TSC22D1: variants seen among roughly 807,000 people sequenced by gnomAD.
The protein encoded by TSC22D1 is TSC22 domain family protein 1.
A neutral mutation model predicts 74.2 loss-of-function variants in TSC22D1; 9 were observed. The ratio of observed to expected loss-of-function variants is 0.12; its 90% CI spans 0.07 to 0.21. The LOEUF is 0.21. Ranked by LOEUF, TSC22D1 falls within the 10% of genes least tolerant of loss-of-function variation. The pLI is 1.00. For missense variants in TSC22D1, 1,427 were observed against 1,304.7 expected (o/e 1.09, Z -1.44); for synonymous variants, 586 against 492.5 (o/e 1.19, Z -2.51).
At chr13:44,491,211 G>A (rs73465723) in intron 1 of TSC22D1, among the ~76,000 whole-genome samples, 3,074 of 151,150 alleles carry the variant, frequency 0.02, 125 homozygotes, top group African/African-American at 0.071. Context: ...ATGTGAAAAG[G>A]CATACCACAA....
chr13:44,545,718 T>C (rs1881781544), intron 1 of TSC22D1, among the ~76,000 whole-genome samples: 3 of 152,138 alleles, frequency 2.0e-5, no homozygotes, highest in East Asian at 3.9e-4. Flanking sequence ...GGCTCACACC[T>C]GTAATCTCAG....
Position 44,575,285 on chromosome 13 carries a change from TAG to T in TSC22D1, c.788_789del (p.Ser263TyrfsTer6), listed in dbSNP as rs1192265743. On this transcript the variant is annotated frameshift_variant, in exon 1 of 3. Coordinates refer to ENST00000458659, the MANE Select transcript of TSC22D1 (RefSeq NM_183422.4). LOFTEE classifies it high-confidence loss of function. ...PPSSPVSRKL[S>X]TTGSSDSITP... is the part of the protein sequence containing the mutation. Reference sequence around the variant, plus strand: ...GTGATACTGTCAGAGCTTCCAGTTGTAGAGAGTTTTCTAGATACTGGGCTTGA... The same window carrying T: ...GTGATACTGTCAGAGCTTCCAGTTGTAGAGTTTTCTAGATACTGGGCTTGA... 1 of 1,614,006 alleles carries T rather than the reference TAG, an allele frequency of 6.2e-7. No homozygotes were observed. Among genetic ancestry groups the T allele is most frequent in the African/African-American group, 1.3e-5 (1 of 74,906 alleles).
At chr13:44,514,310 A>G (rs1250750612) in intron 1 of TSC22D1, among the ~76,000 whole-genome samples, 2 of 152,158 alleles carry the variant, frequency 1.3e-5, no homozygotes, top group Non-Finnish European at 1.5e-5. Flanking sequence ...CCTTGAAGTA[A>G]ACAAGATCTT....
At chr13:44,501,822 C>T (rs1029798213) in intron 1 of TSC22D1, among the ~76,000 whole-genome samples, 2 of 152,178 alleles carry the variant, frequency 1.3e-5, no homozygotes, top group African/African-American at 2.4e-5. Context: ...AACACATGTG[C>T]TGTGGGCTGA....
At position 44,574,208 on chromosome 13, in the gene TSC22D1, G is replaced by C; in HGVS notation, c.1867C>G (p.Pro623Ala). 1 of 1,614,278 alleles carries C rather than the reference G, an allele frequency of 6.2e-7. No individual in the cohort carries two copies. The change falls in exon 1 of 3, where the codon CCA becomes GCA. Residue 623 changes from proline (P) to alanine (A), a missense_variant. By Grantham distance (27) the Pro-to-Ala change is conservative (BLOSUM62 -1). Around this residue, in one of 3 missense-constraint regions of TSC22D1, gnomAD observed 1,343 missense variants for 1,191.5 expected, o/e 1.13. Coordinates refer to ENST00000458659, the MANE Select transcript of TSC22D1 (RefSeq NM_183422.4). Reference sequence around the variant, plus strand: ...TGTCCATACTGTAACTGTTGGGGTGGTGGTGCCCCTGGAAGGGGAGTTTGC... The same window carrying C: ...TGTCCATACTGTAACTGTTGGGGTGCTGGTGCCCCTGGAAGGGGAGTTTGC... Reference protein sequence around the residue: ...PVQTPLPGAPPPQQLQYGQQQ... With the variant: ...PVQTPLPGAPAPQQLQYGQQQ...
intron 1 of TSC22D1, among the ~76,000 whole-genome samples, chr13:44,450,793 G>A (rs1247916685): frequency 6.6e-6 from 1 of 152,190 alleles, no homozygotes; most frequent in African/African-American, 2.4e-5. Flanking sequence ...TTGGGCATAA[G>A]AAAATACTGG....
At chr13:44,453,327 G>T (rs1425149536) in intron 1 of TSC22D1, among the ~76,000 whole-genome samples, 1 of 152,084 alleles carries the variant, frequency 6.6e-6, no homozygotes, top group Non-Finnish European at 1.5e-5. Flanking sequence ...GACTATTAGT[G>T]CACTGAAGTC....
At chr13:44,456,218 C>T (rs947575499) in intron 1 of TSC22D1, among the ~76,000 whole-genome samples, 1 of 152,188 alleles carries the variant, frequency 6.6e-6, no homozygotes, top group Admixed American at 6.5e-5. Flanking sequence ...AACAGTAAAA[C>T]AACAAAGCTT....
chr13:44,534,310 T>C (rs915839108), intron 1 of TSC22D1, among the ~76,000 whole-genome samples: 2 of 141,678 alleles, frequency 1.4e-5, no homozygotes, highest in African/African-American at 5.4e-5. Context: ...CTTGGTGAAC[T>C]ATAATGGTGC....
chr13:44,487,417 T>C (rs575343291), intron 1 of TSC22D1, among the ~76,000 whole-genome samples: 1 of 144,866 alleles, frequency 6.9e-6, no homozygotes, highest in South Asian at 2.1e-4. Flanking sequence ...GAGAATCACT[T>C]GAACCTGGGA....
intron 1 of TSC22D1, among the ~76,000 whole-genome samples, chr13:44,567,250 G>A (rs751261036): frequency 2.6e-5 from 4 of 152,128 alleles, no homozygotes; most frequent in Non-Finnish European, 4.4e-5. Flanking sequence ...CTTCTTATAG[G>A]GATCTAACCA....
chr13:44,465,956 A>G (rs945716211), intron 1 of TSC22D1, among the ~76,000 whole-genome samples: 1 of 148,000 alleles, frequency 6.8e-6, no homozygotes, highest in Non-Finnish European at 1.5e-5. Flanking sequence ...CTGGGCAACA[A>G]GAGCGAAACT....
chr13:44,494,417 G>C (rs1170902538), intron 1 of TSC22D1, among the ~76,000 whole-genome samples: 2 of 111,592 alleles, frequency 1.8e-5, no homozygotes, highest in Non-Finnish European at 3.5e-5. Context: ...GATTAGCCAA[G>C]CATGGTAGCA....
At chr13:44,535,813 T>C (rs1306675904) in intron 1 of TSC22D1, among the ~76,000 whole-genome samples, 1 of 151,976 alleles carries the variant, frequency 6.6e-6, no homozygotes, top group Non-Finnish European at 1.5e-5. Flanking sequence ...TTACTGATGA[T>C]GTAGAGGAGA....
intron 1 of TSC22D1, among the ~76,000 whole-genome samples, chr13:44,547,850 T>C (rs1288727847): frequency 6.6e-6 from 1 of 152,098 alleles, no homozygotes; most frequent in Non-Finnish European, 1.5e-5. Flanking sequence ...TAGTTACGGG[T>C]ACAATCACGG....
chr13:44,498,103 A>C (rs936419311), intron 1 of TSC22D1, among the ~76,000 whole-genome samples: 4 of 151,906 alleles, frequency 2.6e-5, no homozygotes, highest in East Asian at 1.9e-4. Context: ...AAAAAACCAA[A>C]AAAAAAAATG....
At chr13:44,499,339 C>T (rs1372184413) in intron 1 of TSC22D1, among the ~76,000 whole-genome samples, 1 of 152,120 alleles carries the variant, frequency 6.6e-6, no homozygotes, top group East Asian at 1.9e-4. Context: ...CCCAGGTGAG[C>T]CCAAGAAAAG....
At chr13:44,532,676 G>T (rs748711724) in intron 1 of TSC22D1, among the ~76,000 whole-genome samples, 1 of 151,748 alleles carries the variant, frequency 6.6e-6, no homozygotes, top group Non-Finnish European at 1.5e-5. Flanking sequence ...GGGTTTCACC[G>T]TGTTAGCCAG....
intron 1 of TSC22D1, chr13:44,436,614 C>A (rs199842468): frequency 1.9e-6 from 3 of 1,606,340 alleles, no homozygotes; most frequent in East Asian, 4.5e-5. Context: ...CTGGTCTACA[C>A]CATTGGGATT....
Sources: gnomAD v4.1 joint callset for allele counts (sites outside exome capture counted in the v4.1 genomes callset) on GRCh38, gnomAD v4.1.1 for gene constraint, gnomAD v4.1.1 regional missense constraint, MANE v1.5 for transcripts, NCBI Gene and HGNC (gene_info 2026-07-23, HGNC 2026-07-21) for gene names.